The following FAM240B variants were observed in gnomAD, a reference collection of about 807,000 sequenced individuals.
The protein encoded by FAM240B is protein FAM240B.
intron 1 of FAM240B, among the ~76,000 whole-genome samples, chr9:38,713,019 C>T (rs1329933788): frequency 2.0e-5 from 3 of 152,198 alleles, no homozygotes; most frequent in Admixed American, 6.5e-5. Context: ...AAGGGTCTCG[C>T]TTGGATCCAT....
At chr9:38,707,925 G>T (rs960354085) in intron 1 of FAM240B, among the ~76,000 whole-genome samples, 1 of 152,084 alleles carries the variant, frequency 6.6e-6, no homozygotes, top group Admixed American at 6.5e-5. Flanking sequence ...TCATAGAGTA[G>T]CTTGAGAGTA....
chr9:38,699,925 T>C (rs2118999973), intron 2 of FAM240B, among the ~76,000 whole-genome samples: 1 of 152,322 alleles, frequency 6.6e-6, no homozygotes, highest in Admixed American at 6.5e-5. Context: ...CAGATGACAA[T>C]TTTGCTACAC....
intron 2 of FAM240B, among the ~76,000 whole-genome samples, chr9:38,702,223 A>G (rs1034893269): frequency 3.9e-5 from 6 of 152,178 alleles, no homozygotes; most frequent in Non-Finnish European, 8.8e-5. Context: ...AGACTCTTCT[A>G]GCATGTAGGA....
chr9:38,703,985 G>C lies in FAM240B; in HGVS notation c.15C>G (p.Tyr5Ter). 5.1e-6 allele frequency: 2 copies of C among 390,392 alleles called. No individual in the cohort carries two copies. Among genetic ancestry groups the C allele is most frequent in the Non-Finnish European group, 9.1e-6 (2 of 220,854 alleles). 24.2% of individuals were successfully genotyped at this position (390,392 alleles called of 1,614,324 possible). Residue 5 changes from tyrosine (Y) to a stop codon, truncating the protein, a stop_gained, in exon 2 of 3, where the codon TAC (tyrosine) becomes TAG (stop). Coordinates refer to ENST00000637493, the MANE Select transcript of FAM240B (RefSeq NM_001394922.1). LOFTEE classifies it high-confidence loss of function. MNNQ[Y>*]IRREVFCCGT... ...CACAGCAGAAGACTTCTCGACGGATGTATTGATTGTTCATCCCCTGAAATA... is the reference window on the plus strand; with the variant it reads ...CACAGCAGAAGACTTCTCGACGGATCTATTGATTGTTCATCCCCTGAAATA...
At chr9:38,717,892 G>C (rs997788743) in intron 1 of FAM240B, among the ~76,000 whole-genome samples, 2 of 152,110 alleles carry the variant, frequency 1.3e-5, no homozygotes, top group African/African-American at 4.8e-5. Context: ...AAGCACTGAA[G>C]GATATGAAAT....
At chr9:38,713,998 C>T (rs1450499439) in intron 1 of FAM240B, among the ~76,000 whole-genome samples, 2 of 152,096 alleles carry the variant, frequency 1.3e-5, no homozygotes, top group East Asian at 1.9e-4. Context: ...TGTAAATAAA[C>T]CCTGAACACA....
chr9:38,717,447 C>CT (rs1427575297), intron 1 of FAM240B, among the ~76,000 whole-genome samples: 3 of 152,014 alleles, frequency 2.0e-5, no homozygotes, highest in Non-Finnish European at 4.4e-5. Flanking sequence ...GCGAGAGACT[C>CT]TGAGTGTAGT....
chr9:38,703,962 C>A lies in FAM240B; in HGVS notation c.38G>T (p.Cys13Phe), dbSNP rs752465724. The A allele has an allele frequency of 7.5e-6, 3 of 400,388 alleles. No homozygotes were observed. Among genetic ancestry groups the A allele is most frequent in the African/African-American group, 6.2e-5 (3 of 48,684 alleles). 24.8% of individuals were successfully genotyped at this position (400,388 alleles called of 1,614,324 possible). ...GCTTTTGAGCTCATGACAAGTTCCA[C>A]AGCAGAAGACTTCTCGACGGATGTA... ...NQYIRREVFC[C>F]GTCHELKSFW... The change falls in exon 2 of 3, where the codon TGT (cysteine) becomes TTT (phenylalanine). Residue 13 changes from cysteine to phenylalanine, a missense_variant. By Grantham distance (205) the Cys-to-Phe change is radical (BLOSUM62 -2). Coordinates refer to ENST00000637493, the MANE Select transcript of FAM240B (RefSeq NM_001394922.1).
chr9:38,701,227 CA>C (rs1339325897), intron 2 of FAM240B, among the ~76,000 whole-genome samples: 1 of 151,972 alleles, frequency 6.6e-6, no homozygotes, highest in Non-Finnish European at 1.5e-5. Flanking sequence ...GCAGAGCCCA[CA>C]GGGGTGGAAT....
At chr9:38,713,758 T>C (rs144628190) in intron 1 of FAM240B, among the ~76,000 whole-genome samples, 2 of 152,114 alleles carry the variant, frequency 1.3e-5, no homozygotes, top group Non-Finnish European at 2.9e-5. Context: ...AGATATAGAT[T>C]GACAAGGCAA....
chr9:38,718,302 C>G (rs779876808), intron 1 of FAM240B, among the ~76,000 whole-genome samples: 3 of 152,198 alleles, frequency 2.0e-5, no homozygotes, highest in Non-Finnish European at 2.9e-5. Context: ...AATTGCAGGT[C>G]AAAGTCCAGG....
rs1488175501 is a variant in FAM240B, at chr9:38,694,512, G to A, written c.*264C>T. 2 of 333,000 alleles carry A rather than the reference G, an allele frequency of 6.0e-6. No individual in the cohort carries two copies. The highest frequency in any genetic ancestry group is 1.1e-5 in the Non-Finnish European group (2 of 185,146). The allele number at this position is 333,000 out of a possible 1,614,324, so 20.6% of individuals were successfully genotyped here. ...GCTACATGGGTCTGTGAGACCTGGA[G>A]AGTGCTAATTCCAAGAGCTCTTTTA... On this transcript the variant is annotated 3_prime_UTR_variant, in exon 3 of 3. Coordinates refer to ENST00000637493, the MANE Select transcript of FAM240B (RefSeq NM_001394922.1).
intron 1 of FAM240B, among the ~76,000 whole-genome samples, chr9:38,713,956 C>T (rs1293135297): frequency 6.6e-6 from 1 of 152,152 alleles, no homozygotes; most frequent in Non-Finnish European, 1.5e-5. Flanking sequence ...TTGCCCTCCC[C>T]CTCACAACTT....
At chr9:38,714,032 G>A (rs1209953620) in intron 1 of FAM240B, among the ~76,000 whole-genome samples, 1 of 152,034 alleles carries the variant, frequency 6.6e-6, no homozygotes, top group Non-Finnish European at 1.5e-5. Flanking sequence ...CAAAGTAACA[G>A]AGGCTTAAAA....
intron 1 of FAM240B, among the ~76,000 whole-genome samples, chr9:38,709,653 T>C (rs1422124637): frequency 6.6e-6 from 1 of 152,214 alleles, no homozygotes; most frequent in Non-Finnish European, 1.5e-5. Flanking sequence ...TGATCTCCTG[T>C]GGGATGGACC....
intron 1 of FAM240B, among the ~76,000 whole-genome samples, chr9:38,716,707 A>C (rs1821307301): frequency 6.6e-6 from 1 of 152,218 alleles, no homozygotes; most frequent in Non-Finnish European, 1.5e-5. Flanking sequence ...CTGCTTCACC[A>C]AACTGCCAGT....
rs553765420 is a variant in FAM240B at position 38,703,900 on chromosome 9, G to A, written c.100C>T (p.Arg34Ter). Residue 34 changes from arginine to a stop codon, truncating the protein, a stop_gained, in exon 2 of 3, where the codon CGA becomes TGA. Transcript: ENST00000637493. LOFTEE classifies it high-confidence loss of function. ...EKEISKQTFYRELEEDRQERS... is the reference protein window; with the variant it reads ...EKEISKQTFY Reference sequence around the variant, plus strand: ...TCTTGACGATCTTCCTCCAGTTCTCGGTAAAAAGTCTGTTTGCTAATTTCT... The same window carrying A: ...TCTTGACGATCTTCCTCCAGTTCTCAGTAAAAAGTCTGTTTGCTAATTTCT... The A allele has an allele frequency of 9.7e-5, 39 of 400,368 alleles. No individual in the cohort carries two copies. The highest frequency in any genetic ancestry group is 7.2e-4 in the African/African-American group (35 of 48,730). The allele number at this position is 400,368 out of a possible 1,614,324, so 24.8% of individuals were successfully genotyped here. A position where few individuals can be genotyped will look rare whatever the true frequency, so the allele number is the denominator to read the frequency against.
intron 1 of FAM240B, among the ~76,000 whole-genome samples, chr9:38,705,887 T>C (rs1287157575): frequency 1.3e-5 from 2 of 151,756 alleles, no homozygotes; most frequent in African/African-American, 4.8e-5. Flanking sequence ...CTTATTTCTG[T>C]AGTCAGAGCT....
intron 2 of FAM240B, among the ~76,000 whole-genome samples, chr9:38,695,134 G>T (rs1432690596): frequency 6.6e-6 from 1 of 152,132 alleles, no homozygotes; most frequent in Non-Finnish European, 1.5e-5. Flanking sequence ...CCTAGATGAC[G>T]GGTTGATAGG....
Sources: gnomAD v4.1 joint callset for allele counts (sites outside exome capture counted in the v4.1 genomes callset) on GRCh38, gnomAD v4.1.1 for gene constraint, MANE v1.5 for transcripts, NCBI Gene and HGNC (gene_info 2026-07-23, HGNC 2026-07-21) for gene names.